SPRY3: variants seen among roughly 807,000 people sequenced by gnomAD.
The protein encoded by SPRY3 is sprouty RTK signaling antagonist 3, also known as protein sprouty homolog 3.
Under a neutral mutation model 20.2 loss-of-function variants are expected in SPRY3, and 15 were observed. That is an observed-to-expected ratio of 0.74 (90% CI 0.50 to 1.14). The LOEUF is 1.14. SPRY3 is among the 50% of genes most tolerant of loss of function. The pLI, the probability that SPRY3 is intolerant of heterozygous loss-of-function variation, is 0.00. For missense variants in SPRY3, 364 were observed against 363.9 expected (o/e 1.00, Z 0.00); for synonymous variants, 143 against 136.5 (o/e 1.05, Z -0.33).
intron 2 of SPRY3, among the ~76,000 whole-genome samples, chrX:155,665,200 G>A (rs911023452): frequency 2.7e-5 from 3 of 110,386 alleles, no homozygotes; most frequent in Non-Finnish European, 3.8e-5. Flanking sequence ...ATATTCACCG[G>A]ATTGGCAAAA....
chrX:155,711,758 G>T (rs761139216), intron 2 of SPRY3, among the ~76,000 whole-genome samples: 1 of 149,288 alleles, frequency 6.7e-6, no homozygotes, highest in Non-Finnish European at 1.5e-5. Context: ...GGATCGGTTT[G>T]TTCTTGGCTT....
At chrX:155,641,132 T>G (rs2124536539) in intron 1 of SPRY3, among the ~76,000 whole-genome samples, 1 of 111,673 alleles carries the variant, frequency 9.0e-6, no homozygotes, top group Non-Finnish European at 1.9e-5. Context: ...TTAATTATGA[T>G]GAAGTGTTGA....
intron 2 of SPRY3, among the ~76,000 whole-genome samples, chrX:155,708,523 A>G (rs1853852025): frequency 6.6e-6 from 1 of 151,350 alleles, no homozygotes; most frequent in South Asian, 2.1e-4. Context: ...GCATTTGCTG[A>G]GCTTCTTTGA....
chrX:155,700,927 A>T (rs1336242104), intron 2 of SPRY3, among the ~76,000 whole-genome samples: 2 of 23,971 alleles, frequency 8.3e-5, no homozygotes, highest in Non-Finnish European at 1.2e-4. Flanking sequence ...CCATGTCCCT[A>T]CAAAGGATAT....
chrX:155,773,984 C>A (rs1259503130), exon 4 of SPRY3: 2 of 1,613,960 alleles, frequency 1.2e-6, no homozygotes, highest in South Asian at 1.1e-5. Context: ...TGTAAACAGG[C>A]CCTCTCCAGC....
At chrX:155,718,494 T>G (rs1200429524) in intron 2 of SPRY3, among the ~76,000 whole-genome samples, 7 of 152,156 alleles carry the variant, frequency 4.6e-5, no homozygotes, top group African/African-American at 1.7e-4. Context: ...TCTAGAAACA[T>G]ACCTGTATGC....
chrX:155,617,203 A>G (rs782677062), intron 1 of SPRY3, among the ~76,000 whole-genome samples: 3 of 108,379 alleles, frequency 2.8e-5, no homozygotes, highest in Admixed American at 1.0e-4. Context: ...TTAAGATTAA[A>G]TCACATAATA....
intron 2 of SPRY3, among the ~76,000 whole-genome samples, chrX:155,736,601 C>T (rs1309027263): frequency 6.6e-6 from 1 of 151,940 alleles, no homozygotes; most frequent in Non-Finnish European, 1.5e-5. Context: ...CCTCTGGCTT[C>T]CTTCAAGATT....
At chrX:155,733,302 ATAG>A (rs1418828247) in intron 2 of SPRY3, among the ~76,000 whole-genome samples, 3 of 151,012 alleles carry the variant, frequency 2.0e-5, no homozygotes, top group Non-Finnish European at 4.4e-5. Flanking sequence ...ATATATACAC[ATAG>A]TAGGTGGGTA....
At chrX:155,633,800 A>G (rs1557350723) in intron 1 of SPRY3, among the ~76,000 whole-genome samples, 1 of 111,965 alleles carries the variant, frequency 8.9e-6, no homozygotes, top group East Asian at 2.8e-4. Flanking sequence ...GAATCTTCAC[A>G]TTTGCTCTCT....
intron 2 of SPRY3, among the ~76,000 whole-genome samples, chrX:155,724,022 C>G (rs2091081035): frequency 6.6e-6 from 1 of 152,170 alleles, no homozygotes; most frequent in African/African-American, 2.4e-5. Flanking sequence ...GTTTTCCCAA[C>G]ACCATTTATT....
At chrX:155,707,418 G>A (rs1283997251) in intron 2 of SPRY3, among the ~76,000 whole-genome samples, 1 of 151,150 alleles carries the variant, frequency 6.6e-6, no homozygotes, top group Non-Finnish European at 1.5e-5. Flanking sequence ...ACCGTAGAAT[G>A]TTTCATGTTT....
intron 2 of SPRY3, among the ~76,000 whole-genome samples, chrX:155,697,635 T>C (rs868245206): frequency 1.9e-5 from 2 of 104,967 alleles, no homozygotes; most frequent in South Asian, 4.1e-4. Context: ...TAGGTAGGGG[T>C]GTGTGTGTGT....
chrX:155,650,465 A>G (rs1482153575), intron 1 of SPRY3, among the ~76,000 whole-genome samples: 1 of 111,850 alleles, frequency 8.9e-6, no homozygotes, highest in Non-Finnish European at 1.9e-5. Context: ...TTTGAGCTCA[A>G]TAGAATTATA....
At chrX:155,640,937 G>C (rs1443551809) in intron 1 of SPRY3, among the ~76,000 whole-genome samples, 1 of 111,144 alleles carries the variant, frequency 9.0e-6, no homozygotes, top group Non-Finnish European at 1.9e-5. Flanking sequence ...TTGTCTGATT[G>C]CTCTAGCTAG....
intron 2 of SPRY3, among the ~76,000 whole-genome samples, chrX:155,718,442 A>G (rs1257148985): frequency 6.6e-6 from 1 of 152,164 alleles, no homozygotes; most frequent in Non-Finnish European, 1.5e-5. Flanking sequence ...AAAACATATG[A>G]GCCTGACACA....
At chrX:155,734,601 GA>G (rs1388124236) in intron 2 of SPRY3, among the ~76,000 whole-genome samples, 2 of 151,476 alleles carry the variant, frequency 1.3e-5, no homozygotes, top group Admixed American at 1.3e-4. Context: ...CATGCTGTTA[GA>G]AAAACGGTAT....
At chrX:155,645,052 A>G (rs1415260836) in intron 1 of SPRY3, among the ~76,000 whole-genome samples, 2 of 111,341 alleles carry the variant, frequency 1.8e-5, no homozygotes, top group African/African-American at 6.5e-5. Flanking sequence ...TCATCAGGTG[A>G]TGGATCCTGC....
chrX:155,733,346 T>G (rs1292129468), intron 2 of SPRY3, among the ~76,000 whole-genome samples: 1 of 144,478 alleles, frequency 6.9e-6, no homozygotes, highest in African/African-American at 2.8e-5. Flanking sequence ...TATGCTGATA[T>G]ATATATACAT....
Sources: allele counts gnomAD v4.1 joint callset (sites outside exome capture counted in the v4.1 genomes callset), GRCh38; gene constraint gnomAD v4.1.1; transcripts MANE v1.5; gene names NCBI Gene and HGNC (gene_info 2026-07-23, HGNC 2026-07-21).